Variants in CD6 observed in about 807,000 individuals in gnomAD.
CD6 encodes the protein T-cell differentiation antigen CD6.
CD6 carries 53 observed loss-of-function variants against 75.3 expected under a neutral mutation model. The ratio of observed to expected loss-of-function variants is 0.70; its 90% CI spans 0.56 to 0.88. CD6 has a LOEUF of 0.88. Among genes scored for constraint, CD6 ranks in the 40% least tolerant of loss-of-function variants. The pLI, the probability that CD6 is intolerant of heterozygous loss-of-function variation, is 0.00. For missense variants in CD6, 770 were observed against 897.1 expected (o/e 0.86, Z 1.81); for synonymous variants, 359 against 381.5 (o/e 0.94, Z 0.69).
Position 60,990,871 on chromosome 11 carries a change from A to G in CD6, c.50-15703A>G, listed in dbSNP as rs11822004. On this transcript the variant is annotated intron_variant, in intron 1 of 12. Transcript: ENST00000313421. ...TCAAAATCTAACCAAGTGGATAGAT[A>G]TGCATCTAGTTCATTCCTGCAATGG... 9.2e-4 allele frequency among the ~76,000 whole-genome samples: 125 copies of G among 136,030 alleles called. 1 individual carries two copies. Among genetic ancestry groups the G allele is most frequent in the African/African-American group, 3.0e-3 (118 of 39,884 alleles). The allele number at this position is 136,030 out of a possible 152,430, so 89.2% of individuals were successfully genotyped here.
At position 61,008,583 on chromosome 11, in the gene CD6, C is replaced by T. The variant is rs758957984; in HGVS notation, c.519C>T (p.Arg173=). Residue 173 remains arginine (R), a synonymous_variant, in exon 4 of 13, where the codon CGC becomes CGT. Transcript: ENST00000313421. ...LVDGGGACAG[R]VEMLEHGEWG... The stretch of plus-strand genomic sequence containing the variant: ...ACGGTGGCGGCGCCTGCGCCGGCCG[C>T]GTGGAGATGCTGGAGCATGGCGAGT... The T allele has an allele frequency of 6.2e-7, 1 of 1,607,848 alleles. No homozygotes were observed. Among genetic ancestry groups the T allele is most frequent in the African/African-American group, 1.3e-5 (1 of 74,992 alleles).
intron 1 of CD6, among the ~76,000 whole-genome samples, chr11:60,998,909 A>G (rs1415673698): frequency 6.6e-6 from 1 of 151,706 alleles, no homozygotes; most frequent in Non-Finnish European, 1.5e-5. Context: ...CTGTAATCCC[A>G]GCATTTTGGG....
At position 61,019,939 on chromosome 11, in the gene CD6, T is replaced by C. The variant is rs1859594346; in HGVS notation, c.*621T>C. 1 of 392,680 alleles carries C rather than the reference T, an allele frequency of 2.5e-6. No individual in the cohort carries two copies. The highest frequency in any genetic ancestry group is 2.1e-5 in the African/African-American group (1 of 48,514). The allele number at this position is 392,680 out of a possible 1,614,324, so 24.3% of individuals were successfully genotyped here. ...AACTAGCTGACAATGACAGGTTGAC[T>C]GTGTACCCCCAACCAAGGAGCTGGG... On this transcript the variant is annotated 3_prime_UTR_variant, in exon 13 of 13. Coordinates refer to ENST00000313421, the MANE Select transcript of CD6 (RefSeq NM_006725.5).
Position 60,996,591 on chromosome 11 carries a change from G to C in CD6, c.50-9983G>C, listed in dbSNP as rs569889127. ...ACGTAGCATTTGTCATCACTGCTCG[G>C]GACAAAAGGCCAGTCTTCATACACA... On this transcript the variant is annotated intron_variant, in intron 1 of 12. Transcript: ENST00000313421. Among the ~76,000 whole-genome samples, 10 of 152,332 alleles carry C rather than the reference G, an allele frequency of 6.6e-5. No homozygotes were observed. The South Asian group carries it at 2.1e-3, about 32-fold the overall frequency.
intron 8 of CD6, 166 bp from the exon 9 acceptor site, chr11:61,015,547 G>C: frequency 1.3e-6 from 1 of 775,182 alleles, no homozygotes; most frequent in Non-Finnish European, 2.1e-6. Context: ...CTCCAGCCTG[G>C]ACAACAGAGT....
At chr11:61,008,437 A>G (rs1298029320) in intron 3 of CD6, 97 bp from the exon 4 acceptor site, 1 of 1,232,066 alleles carries the variant, frequency 8.1e-7, no homozygotes, top group Non-Finnish European at 1.1e-6. Context: ...CACTGGGTCC[A>G]CAACACGCTC....
At position 61,018,532 on chromosome 11, in the gene CD6, T is replaced by C. The variant is rs549307318; in HGVS notation, c.1942+139T>C. 72 of 599,952 alleles carry C rather than the reference T, an allele frequency of 1.2e-4. No individual in the cohort carries two copies. The South Asian group carries it at 1.6e-3, about 13-fold the overall frequency. 37.2% of individuals were successfully genotyped at this position (599,952 alleles called of 1,614,324 possible). A position where few individuals can be genotyped will look rare whatever the true frequency, so the allele number is the denominator to read the frequency against. On this transcript the variant is annotated intron_variant, in intron 12 of 12. Coordinates refer to ENST00000313421, the MANE Select transcript of CD6 (RefSeq NM_006725.5). ...AAAGAAGAGAGGGAAAGTAACTTTT[T>C]AAAAAACAAAGCAAGGCCAGGCATG...
chr11:60,979,913 G>A (rs1857500301), intron 1 of CD6, among the ~76,000 whole-genome samples: 1 of 152,152 alleles, frequency 6.6e-6, no homozygotes, highest in Non-Finnish European at 1.5e-5. Flanking sequence ...GGATAGGTGT[G>A]GCAACAGGCA....
chr11:60,971,738 A>G lies in CD6; in HGVS notation c.-128A>G. 1 of 853,048 alleles carries G rather than the reference A, an allele frequency of 1.2e-6. No homozygotes were observed. Among genetic ancestry groups the G allele is most frequent in the Non-Finnish European group, 1.9e-6 (1 of 528,586 alleles). The allele number at this position is 853,048 out of a possible 1,614,324, so 52.8% of individuals were successfully genotyped here. ...GAGAGGAGAGAGCAGAGAGAGACAC[A>G]GGAACAAGAACAGCAAAGGGTAGAG... is the stretch of plus-strand genomic sequence containing the variant. On this transcript the variant is annotated 5_prime_UTR_variant, in exon 1 of 13. Transcript: ENST00000313421.
At chr11:61,015,138 G>T (rs1859341266) in intron 8 of CD6, among the ~76,000 whole-genome samples, 1 of 152,232 alleles carries the variant, frequency 6.6e-6, no homozygotes, top group South Asian at 2.1e-4. Flanking sequence ...GTTAAATGAG[G>T]TAATACTTGT....
chr11:60,990,036 T>A (rs1177812720), intron 1 of CD6, among the ~76,000 whole-genome samples: 1 of 152,146 alleles, frequency 6.6e-6, no homozygotes, highest in Non-Finnish European at 1.5e-5. Flanking sequence ...TTATTTTATT[T>A]TACTAAAATT....
intron 1 of CD6, among the ~76,000 whole-genome samples, chr11:60,989,771 G>T (rs1018671609): frequency 3.3e-5 from 5 of 152,128 alleles, no homozygotes; most frequent in African/African-American, 1.2e-4. Context: ...TGCCTCTTAG[G>T]GGCTCTATTG....
Position 61,009,554 on chromosome 11 carries a change from C to T in CD6, c.782-18C>T, listed in dbSNP as rs767698375. ...AAAGGATTCTGACCTGACTCTGTCC[C>T]CTGCCCCTTCCCTGCAGAGCACCAG... On this transcript the variant is annotated intron_variant, in intron 4 of 12. Transcript: ENST00000313421. The T allele has an allele frequency of 1.3e-5, 21 of 1,577,582 alleles. No homozygotes were observed. The South Asian group carries it at 2.2e-4, about 17-fold the overall frequency.
At chr11:60,995,857 G>C (rs1472019004) in intron 1 of CD6, among the ~76,000 whole-genome samples, 1 of 152,184 alleles carries the variant, frequency 6.6e-6, no homozygotes, top group East Asian at 1.9e-4. Flanking sequence ...CCTGGATCTT[G>C]GGTTCTGAGT....
At chr11:61,018,480 C>CAAGGGGAATAGGAGAAAGG in intron 12 of CD6, 87 bp downstream of exon 12, 1 of 887,094 alleles carries the variant, frequency 1.1e-6, no homozygotes, top group Non-Finnish European at 1.7e-6. Flanking sequence ...TGCATTCGCT[C>CAAGGGGAATAGGAGAAAGG]AAGGGGAAAA....
intron 9 of CD6, among the ~76,000 whole-genome samples, chr11:61,016,043 A>T (rs1027153174): frequency 6.6e-6 from 1 of 152,210 alleles, no homozygotes; most frequent in African/African-American, 2.4e-5. Flanking sequence ...ATGTCTCAGG[A>T]CATCTCCACT....
Position 60,971,909 on chromosome 11 carries a change from T to C in CD6, c.44T>C (p.Leu15Pro), listed in dbSNP as rs1379010164. Residue 15 changes from leucine (L) to proline (P), a missense_variant, in exon 1 of 13, where the codon CTC becomes CCC. Leu to Pro is a moderately conservative substitution (Grantham distance 98). Coordinates refer to ENST00000313421, the MANE Select transcript of CD6 (RefSeq NM_006725.5). ...ATCACTGGATTGCTGACGGCAGCCC[T>C]CTCAGGTAGGCCCCCTTCCCTCATC... is the stretch of plus-strand genomic sequence containing the variant. ...FGITGLLTAA[L>P]SGHPSPAPPD... is the part of the protein sequence containing the mutation. 13 of 1,613,816 alleles carry C rather than the reference T, an allele frequency of 8.1e-6. No homozygotes were observed. The highest frequency in any genetic ancestry group is 4.0e-5 in the African/African-American group (3 of 74,948).
intron 5 of CD6, 117 bp downstream of exon 5, chr11:61,009,991 G>T (rs1490699026): frequency 2.0e-6 from 2 of 989,710 alleles, no homozygotes; most frequent in Non-Finnish European, 1.5e-6. Flanking sequence ...GGCACATATG[G>T]CATAAGAAGG....
chr11:60,977,624 TC>T (rs1393734276), intron 1 of CD6, among the ~76,000 whole-genome samples: 1 of 152,116 alleles, frequency 6.6e-6, no homozygotes, highest in Admixed American at 6.5e-5. Context: ...GTAATTTCCC[TC>T]CTTTTTCTTT....
Sources: allele counts gnomAD v4.1 joint callset (sites outside exome capture counted in the v4.1 genomes callset), GRCh38; gene constraint gnomAD v4.1.1; transcripts MANE v1.5; gene names NCBI Gene and HGNC (gene_info 2026-07-23, HGNC 2026-07-21).